The following MSRA variants were observed in gnomAD, a reference collection of about 807,000 sequenced individuals.
The protein encoded by MSRA is methionine sulfoxide reductase A.
Under a neutral mutation model 31.3 loss-of-function variants are expected in MSRA, and 54 were observed. That is an observed-to-expected ratio of 1.73 (90% confidence interval 1.39 to 2.17). MSRA has a LOEUF of 2.17. Among genes scored for constraint, MSRA ranks in the 30% most tolerant of loss-of-function variants. The pLI, the probability that MSRA is intolerant of heterozygous loss-of-function variation, is 0.00. For missense variants in MSRA, 507 were observed against 300.9 expected (o/e 1.69, Z -5.07); for synonymous variants, 169 against 116.5 (o/e 1.45, Z -2.90).
chr8:10,362,830 C>T (rs17765025), intron 5 of MSRA, among the ~76,000 whole-genome samples: 5,790 of 152,180 alleles, frequency 0.038, 160 homozygotes, highest in Middle Eastern at 0.058. Flanking sequence ...CCCGCGCCAC[C>T]GGGAGCTGCC....
intron 2 of MSRA, among the ~76,000 whole-genome samples, chr8:10,243,298 C>A (rs1024957243): frequency 2.0e-5 from 3 of 152,140 alleles, no homozygotes; most frequent in African/African-American, 7.2e-5. Flanking sequence ...CTGCACAGAT[C>A]CTGGAGCTCT....
chr8:10,353,462 G>A (rs533340378), intron 5 of MSRA, among the ~76,000 whole-genome samples: 15 of 138,742 alleles, frequency 1.1e-4, no homozygotes, highest in South Asian at 2.5e-4. Flanking sequence ...TTCGGCATCC[G>A]TGAGTCCTGT....
intron 5 of MSRA, among the ~76,000 whole-genome samples, chr8:10,385,629 T>TG: frequency 6.6e-6 from 1 of 152,086 alleles, no homozygotes; most frequent in Admixed American, 6.5e-5. Context: ...CAGAGTTCAG[T>TG]GGGGGACACA....
rs142287853 is a variant in MSRA, at chr8:10,354,321, G to T, written c.543+34332G>T. Among the ~76,000 whole-genome samples the T allele has an allele frequency of 2.1e-3, 322 of 152,244 alleles. 2 individuals are homozygous for T. Among genetic ancestry groups the T allele is most frequent in the African/African-American group, 7.4e-3 (309 of 41,540 alleles). On this transcript the variant is annotated intron_variant, in intron 5 of 5. Transcript: ENST00000317173. ...CTAAATTGATGGAATCCACATTGTT[G>T]GCAAGATTCAAGGGTAGCACACACC...
chr8:10,116,583 G>A (rs918708267), intron 1 of MSRA, among the ~76,000 whole-genome samples: 5 of 152,192 alleles, frequency 3.3e-5, no homozygotes, highest in Admixed American at 2.0e-4. Flanking sequence ...CTTGGATATC[G>A]TGTGATAACA....
At chr8:10,227,578 G>A (rs536050686) in intron 2 of MSRA, among the ~76,000 whole-genome samples, 7 of 152,242 alleles carry the variant, frequency 4.6e-5, no homozygotes, top group Admixed American at 4.6e-4. Context: ...ATATTCCCGG[G>A]GTTAAGGCTG....
chr8:10,204,490 T>C (rs1003813835), intron 1 of MSRA, among the ~76,000 whole-genome samples: 15 of 152,198 alleles, frequency 9.9e-5, no homozygotes, highest in African/African-American at 3.4e-4. Flanking sequence ...AGATCACAAA[T>C]ACTTATCATT....
intron 1 of MSRA, among the ~76,000 whole-genome samples, chr8:10,193,315 G>A (rs1006818838): frequency 3.3e-5 from 5 of 152,170 alleles, no homozygotes; most frequent in African/African-American, 7.2e-5. Flanking sequence ...TGGCCTTCCC[G>A]CTGAGAGAGA....
rs11388593 is a variant in MSRA at position 10,362,461 on chromosome 8, CAAAA to C, written c.543+42490_543+42493del. 5.2e-5 allele frequency among the ~76,000 whole-genome samples: 4 copies of C among 76,726 alleles called. No homozygotes were observed. In the South Asian group the frequency reaches 1.6e-3, roughly 30 times the overall value. The allele number at this position is 76,726 out of a possible 152,430, so 50.3% of individuals were successfully genotyped here. Reference sequence around the variant, plus strand: ...TTCCCACCCAAAGTCATACCATAAGCAAAAAAAAAAAAAAAAAAAAAGTGGGCTT... The same window carrying C: ...TTCCCACCCAAAGTCATACCATAAGCAAAAAAAAAAAAAAAAAGTGGGCTT... On this transcript the variant is annotated intron_variant, in intron 5 of 5. Transcript: ENST00000317173.
intron 1 of MSRA, among the ~76,000 whole-genome samples, chr8:10,169,549 C>G (rs1032708134): frequency 3.3e-5 from 5 of 152,204 alleles, no homozygotes; most frequent in African/African-American, 1.2e-4. Context: ...ATCTCTGTGA[C>G]TTTGTGTTAG....
chr8:10,167,280 C>A (rs1176831841), intron 1 of MSRA, among the ~76,000 whole-genome samples: 1 of 152,188 alleles, frequency 6.6e-6, no homozygotes, highest in African/African-American at 2.4e-5. Flanking sequence ...CCAAAGGCAG[C>A]CGATACTGCT....
intron 5 of MSRA, among the ~76,000 whole-genome samples, chr8:10,371,792 T>C (rs1283094582): frequency 2.0e-5 from 3 of 152,226 alleles, no homozygotes; most frequent in African/African-American, 7.2e-5. Context: ...GAGGAAGGAC[T>C]GTGGCGCATC....
chr8:10,255,863 T>C (rs1317418710), intron 3 of MSRA, among the ~76,000 whole-genome samples: 4 of 151,894 alleles, frequency 2.6e-5, no homozygotes, highest in African/African-American at 4.8e-5. Context: ...TAAAGAGCAG[T>C]TTTAGGTTCA....
chr8:10,310,633 A>T (rs1246420294), intron 4 of MSRA, among the ~76,000 whole-genome samples: 1 of 152,184 alleles, frequency 6.6e-6, no homozygotes, highest in African/African-American at 2.4e-5. Context: ...CCTTAAAGCA[A>T]CCTATGAACC....
At chr8:10,207,774 G>A in intron 1 of MSRA, 59 bp from the exon 2 acceptor site, 4 of 1,459,656 alleles carry the variant, frequency 2.7e-6, no homozygotes, top group South Asian at 1.2e-5. Context: ...TTAATGACAT[G>A]TGTTAGTATG....
At chr8:10,075,485 G>C (rs186572641) in intron 1 of MSRA, among the ~76,000 whole-genome samples, 1 of 152,156 alleles carries the variant, frequency 6.6e-6, no homozygotes, top group East Asian at 1.9e-4. Context: ...TGAGTTTTTA[G>C]CTTCTGCATT....
intron 3 of MSRA, among the ~76,000 whole-genome samples, chr8:10,284,952 A>C (rs1799854605): frequency 6.6e-6 from 1 of 152,150 alleles, no homozygotes; most frequent in African/African-American, 2.4e-5. Context: ...TGAGAATTTA[A>C]AGACATTCGT....
chr8:10,301,400 G>C, intron 3 of MSRA, 134 bp from the exon 4 acceptor site: 2 of 652,904 alleles, frequency 3.1e-6, no homozygotes, highest in Non-Finnish European at 5.3e-6. Context: ...CTTAGCTAAA[G>C]TCTAATCCTC....
At chr8:10,412,384 G>T (rs1231021617) in intron 5 of MSRA, among the ~76,000 whole-genome samples, 2 of 152,202 alleles carry the variant, frequency 1.3e-5, no homozygotes, top group Non-Finnish European at 2.9e-5. Flanking sequence ...CAGTAAATGT[G>T]TGCTGAACCA....
Sources: gnomAD v4.1 joint callset for allele counts (sites outside exome capture counted in the v4.1 genomes callset) on GRCh38, gnomAD v4.1.1 for gene constraint, MANE v1.5 for transcripts, NCBI Gene and HGNC (gene_info 2026-07-23, HGNC 2026-07-21) for gene names.